SMIM44: variants seen among roughly 807,000 people sequenced by gnomAD.
SMIM44 encodes small integral membrane protein 44.
chr19:3,482,337 T>C, the SMIM44 span, among the ~76,000 whole-genome samples: 1 of 152,188 alleles, frequency 6.6e-6, no homozygotes, highest in Non-Finnish European at 1.5e-5. Flanking sequence ...TTGGAGATCC[T>C]GCCCTCCAAA....
At chr19:3,482,259 C>T in the SMIM44 span, among the ~76,000 whole-genome samples, 24 of 152,144 alleles carry the variant, frequency 1.6e-4, no homozygotes, top group Non-Finnish European at 3.5e-4. Context: ...ACCCAGCAGC[C>T]GAGGCGGGGG....
the SMIM44 span, chr19:3,482,972 C>T: frequency 1.3e-5 from 5 of 398,232 alleles, no homozygotes; most frequent in African/African-American, 1.0e-4. Flanking sequence ...GGTCCAGCCC[C>T]TCCAAGTCCT....
At chr19:3,482,681 G>C in the SMIM44 span, 1 of 395,912 alleles carries the variant, frequency 2.5e-6, no homozygotes, top group Admixed American at 4.4e-5. Context: ...CCCGGAACCT[G>C]CCGGCTGGGA....
the SMIM44 span, chr19:3,483,347 C>T: frequency 2.5e-6 from 1 of 398,260 alleles, no homozygotes; most frequent in Non-Finnish European, 4.4e-6. Flanking sequence ...ACTCCTCGTA[C>T]AGCGGCGGGG....
chr19:3,483,330 G>A, the SMIM44 span: 3 of 398,126 alleles, frequency 7.5e-6, no homozygotes, highest in Admixed American at 4.4e-5. Context: ...CAGGGGCGGC[G>A]GCCGGTACTC....
the SMIM44 span, chr19:3,483,089 C>T: frequency 5.0e-6 from 2 of 398,494 alleles, no homozygotes; most frequent in Non-Finnish European, 8.9e-6. Context: ...TCCCCGGCCC[C>T]GGCCACCCTC....
At chr19:3,483,209 G>C in the SMIM44 span, 1 of 398,560 alleles carries the variant, frequency 2.5e-6, no homozygotes, top group Non-Finnish European at 4.4e-6. Flanking sequence ...CACCGGCCAG[G>C]TCGTGGGCGA....
the SMIM44 span, chr19:3,482,837 G>C: frequency 1.3e-5 from 5 of 397,974 alleles, no homozygotes; most frequent in Non-Finnish European, 2.2e-5. Flanking sequence ...AGGAGCTTCG[G>C]GATGGGGGGT....
the SMIM44 span, chr19:3,483,290 C>T: frequency 2.5e-6 from 1 of 398,486 alleles, no homozygotes; most frequent in Non-Finnish European, 4.4e-6. Flanking sequence ...GCAGCAGGTA[C>T]AGCACGTACC....
the SMIM44 span, among the ~76,000 whole-genome samples, chr19:3,482,611 G>A: frequency 9.8e-5 from 15 of 152,318 alleles, no homozygotes; most frequent in African/African-American, 3.6e-4. Flanking sequence ...GTTTGCTGAC[G>A]GCTTGGCTGA....
the SMIM44 span, chr19:3,483,326 C>T: frequency 2.5e-6 from 1 of 398,158 alleles, no homozygotes; most frequent in Non-Finnish European, 4.4e-6. Flanking sequence ...TGTCCAGGGG[C>T]GGCGGCCGGT....
At chr19:3,482,879 C>T in the SMIM44 span, 1 of 122,564 alleles carries the variant, frequency 8.2e-6, no homozygotes, top group Admixed American at 8.9e-5. Flanking sequence ...GGCGGGGCTC[C>T]GGGGGAGGCG....
At chr19:3,482,342 T>G in the SMIM44 span, among the ~76,000 whole-genome samples, 5 of 152,164 alleles carry the variant, frequency 3.3e-5, no homozygotes, top group Non-Finnish European at 5.9e-5. Context: ...GATCCTGCCC[T>G]CCAAAGTCAG....
At chr19:3,482,345 A>T in the SMIM44 span, among the ~76,000 whole-genome samples, 1 of 152,216 alleles carries the variant, frequency 6.6e-6, no homozygotes, top group Non-Finnish European at 1.5e-5. Context: ...CCTGCCCTCC[A>T]AAGTCAGTCA....
the SMIM44 span, chr19:3,482,753 G>GT: frequency 3.3e-5 from 13 of 397,390 alleles, no homozygotes; most frequent in Non-Finnish European, 5.3e-5. Context: ...TCCGGCGCGC[G>GT]TAAGTTCTGT....
the SMIM44 span, chr19:3,483,252 G>A: frequency 8.9e-4 from 355 of 398,458 alleles, 1 homozygote; most frequent in Non-Finnish European, 1.4e-3. Context: ...GATGGCGTAG[G>A]CGACGGCCAC....
the SMIM44 span, chr19:3,483,191 G>A: frequency 2.5e-6 from 1 of 398,468 alleles, no homozygotes; most frequent in South Asian, 1.3e-4. Flanking sequence ...GTTTCGGTGG[G>A]GGCAGCTCAC....
chr19:3,483,178 T>C, the SMIM44 span: 57 of 398,224 alleles, frequency 1.4e-4, no homozygotes, highest in Non-Finnish European at 2.4e-4. Context: ...CGGCCCCAGC[T>C]GGGTTTCGGT....
At chr19:3,482,773 C>A in the SMIM44 span, 1 of 397,874 alleles carries the variant, frequency 2.5e-6, no homozygotes, top group South Asian at 1.3e-4. Flanking sequence ...TCTACACGAC[C>A]GCCAAAGCGT....
Sources: gnomAD v4.1 joint callset for allele counts (sites outside exome capture counted in the v4.1 genomes callset) on GRCh38, gnomAD v4.1.1 for gene constraint, MANE v1.5 for transcripts, NCBI Gene and HGNC (gene_info 2026-07-23, HGNC 2026-07-21) for gene names.